Variants in CCDC171 observed in about 807,000 individuals in gnomAD.
CCDC171 encodes the protein coiled-coil domain containing 171.
A neutral mutation model predicts 168.2 loss-of-function variants in CCDC171; 177 were observed. The observed-to-expected ratio is 1.05, with a 90% CI of 0.93 to 1.19. CCDC171 has a LOEUF of 1.19. Among genes scored for constraint, CCDC171 ranks in the 50% most tolerant of loss-of-function variants. The probability of loss-of-function intolerance (pLI) is 0.00; values close to 1 mark genes in which losing one functional copy is unlikely to be tolerated. For synonymous variants in CCDC171, 687 were observed against 540.8 expected (o/e 1.27, Z -3.75); for missense variants, 1,991 against 1,539.0 (o/e 1.29, Z -4.91).
chr9:16,035,614 T>C (rs989744463), intron 7 of CCDC171: 2 of 152,232 alleles, frequency 1.3e-5, no homozygotes, highest in African/African-American at 4.8e-5. Context: ...ATTCTTTGCT[T>C]ACTGCCTGCT....
At chr9:15,581,049 A>C (rs1040130280) in intron 4 of CCDC171, among the ~76,000 whole-genome samples, 2 of 152,208 alleles carry the variant, frequency 1.3e-5, no homozygotes, top group Non-Finnish European at 2.9e-5. Context: ...CTCAGCCCAA[A>C]ATCTCCTTAA....
intron 2 of CCDC171, among the ~76,000 whole-genome samples, chr9:15,571,319 C>A (rs551710070): frequency 1.2e-4 from 19 of 152,060 alleles, no homozygotes; most frequent in African/African-American, 4.3e-4. Flanking sequence ...GTGGGAGAAC[C>A]CAGTCTCTTC....
At chr9:15,632,272 C>G (rs1458698131) in intron 7 of CCDC171, among the ~76,000 whole-genome samples, 2 of 150,760 alleles carry the variant, frequency 1.3e-5, no homozygotes, top group African/African-American at 4.9e-5. Context: ...CTAGAAAACC[C>G]CATCGTCTCA....
At chr9:15,875,671 A>G (rs1329636274) in intron 24 of CCDC171, 2 of 152,056 alleles carry the variant, frequency 1.3e-5, no homozygotes, top group Non-Finnish European at 2.9e-5. Context: ...TTAATTTTAT[A>G]GAAAATTAAT....
intron 4 of CCDC171, among the ~76,000 whole-genome samples, chr9:15,581,739 T>A (rs1230318069): frequency 1.3e-5 from 2 of 152,096 alleles, no homozygotes; most frequent in Admixed American, 6.5e-5. Flanking sequence ...TGCAGAAAGC[T>A]GAAACTGGAA....
intron 6 of CCDC171, among the ~76,000 whole-genome samples, chr9:16,023,748 C>T (rs1833220438): frequency 6.6e-6 from 1 of 152,000 alleles, no homozygotes; most frequent in Non-Finnish European, 1.5e-5. Flanking sequence ...ATTTGATCAT[C>T]TCAAGATCAG....
At chr9:15,971,529 A>G (rs906179399) in intron 25 of CCDC171, 80 bp from the exon 26 acceptor site, 20 of 812,974 alleles carry the variant, frequency 2.5e-5, no homozygotes, top group African/African-American at 3.4e-5. Context: ...TTATTAGTCT[A>G]CTTGCCTGTT....
At chr9:15,583,226 C>G (rs1357325717) in intron 4 of CCDC171, among the ~76,000 whole-genome samples, 1 of 151,934 alleles carries the variant, frequency 6.6e-6, no homozygotes, top group Admixed American at 6.6e-5. Context: ...ACCATCCTGG[C>G]CAAGGTGGTG....
intron 3 of CCDC171, among the ~76,000 whole-genome samples, chr9:16,018,070 T>G (rs940792887): frequency 7.2e-5 from 11 of 152,158 alleles, no homozygotes; most frequent in Non-Finnish European, 1.6e-4. Flanking sequence ...TAAATGTAGT[T>G]TTAAGATTTT....
chr9:16,093,904 C>G, the CCDC171 span, among the ~76,000 whole-genome samples: 2 of 152,162 alleles, frequency 1.3e-5, no homozygotes, highest in African/African-American at 4.8e-5. Flanking sequence ...ATTGGGGTAG[C>G]TGCCAGATTG....
In CCDC171 at chr9:15,987,314, T is replaced by C. The variant is rs548884047; in HGVS notation, n.369-33275T>C. On this transcript the variant is annotated intron_variant and non_coding_transcript_variant, in intron 3 of 9. Transcript: ENST00000486641. ...GGGTGAGGATTGAAAAACTACCTAT[T>C]GGGTATTACGCTGATTACCTGGGTG... Among the ~76,000 whole-genome samples, 122 of 152,278 alleles carry C rather than the reference T, an allele frequency of 8.0e-4. 1 individual carries two copies. The highest frequency in any genetic ancestry group is 1.0e-3 in the Admixed American group (16 of 15,298).
chr9:15,960,247 A>G (rs971039222), intron 25 of CCDC171, among the ~76,000 whole-genome samples: 3 of 152,228 alleles, frequency 2.0e-5, no homozygotes, highest in African/African-American at 4.8e-5. Context: ...CTGGATCAGG[A>G]TGAAGATTAG....
At chr9:15,875,897 A>G (rs956662139) in intron 24 of CCDC171, 1 of 152,082 alleles carries the variant, frequency 6.6e-6, no homozygotes, top group African/African-American at 2.4e-5. Flanking sequence ...GTTATTTAAG[A>G]TGAGATTTAA....
At chr9:15,871,848 A>G (rs1318779727) in intron 23 of CCDC171, among the ~76,000 whole-genome samples, 1 of 151,334 alleles carries the variant, frequency 6.6e-6, no homozygotes, top group Non-Finnish European at 1.5e-5. Context: ...GCATGATTTT[A>G]TTTTTGCTTG....
chr9:15,637,982 C>G (rs1000292824), intron 7 of CCDC171, among the ~76,000 whole-genome samples: 2 of 152,100 alleles, frequency 1.3e-5, no homozygotes, highest in Non-Finnish European at 2.9e-5. Context: ...TGGGTATATA[C>G]CCAGTAATGG....
chr9:15,796,586 C>G (rs977741394), intron 21 of CCDC171, among the ~76,000 whole-genome samples: 3 of 152,166 alleles, frequency 2.0e-5, no homozygotes, highest in African/African-American at 7.2e-5. Context: ...TGCCTTTTGA[C>G]AAATGTATAC....
intron 21 of CCDC171, among the ~76,000 whole-genome samples, chr9:15,790,437 G>A (rs1367781054): frequency 6.6e-6 from 1 of 152,122 alleles, no homozygotes; most frequent in Non-Finnish European, 1.5e-5. Context: ...ACTTTTTGAT[G>A]CGGTTGTTTG....
At chr9:15,955,956 A>G (rs1829758873) in intron 25 of CCDC171, among the ~76,000 whole-genome samples, 1 of 152,168 alleles carries the variant, frequency 6.6e-6, no homozygotes, top group Admixed American at 6.6e-5. Context: ...AACAGTGGAG[A>G]TAGAAAAGGA....
At chr9:15,709,360 G>T (rs916769462) in intron 11 of CCDC171, among the ~76,000 whole-genome samples, 2 of 152,120 alleles carry the variant, frequency 1.3e-5, no homozygotes, top group Admixed American at 6.5e-5. Flanking sequence ...TAACATTTTA[G>T]ATTGGTGATT....
Sources: allele counts gnomAD v4.1 joint callset (sites outside exome capture counted in the v4.1 genomes callset), GRCh38; gene constraint gnomAD v4.1.1; transcripts MANE v1.5; gene names NCBI Gene and HGNC (gene_info 2026-07-23, HGNC 2026-07-21).